The following RABGEF1 variants were observed in gnomAD, a reference collection of about 807,000 sequenced individuals.
RABGEF1 encodes the protein RAB guanine nucleotide exchange factor 1, also known as rab5 GDP/GTP exchange factor.
In RABGEF1, 26 loss-of-function variants were observed where a neutral mutation model predicts 57.3. The observed-to-expected ratio is 0.45, with a 90% confidence interval of 0.33 to 0.63. RABGEF1 has a LOEUF of 0.63. RABGEF1 is among the 20% of genes least tolerant of loss of function. The probability of loss-of-function intolerance (pLI) is 0.02; values close to 1 mark genes in which losing one functional copy is unlikely to be tolerated. For missense variants in RABGEF1, 464 were observed against 607.6 expected, an observed-to-expected ratio of 0.76 and a Z score of 2.48; for synonymous variants, 185 against 210.7, an observed-to-expected ratio of 0.88 and a Z score of 1.06.
At position 66,810,031 on chromosome 7, in the gene RABGEF1, C is replaced by G. The variant is rs1789238053; in HGVS notation, c.*747C>G. On this transcript the variant is annotated 3_prime_UTR_variant, in exon 9 of 9. Coordinates refer to ENST00000284957, the MANE Select transcript of RABGEF1 (RefSeq NM_014504.3). ...AATGTAGTCGATGGAAGACTTTAAACTATGCTTCTAGCTTATTTTTCCCTC... is the reference window on the plus strand; with the variant it reads ...AATGTAGTCGATGGAAGACTTTAAAGTATGCTTCTAGCTTATTTTTCCCTC... The G allele has an allele frequency of 6.6e-6, 1 of 152,200 alleles. No individual in the cohort carries two copies. The highest frequency in any genetic ancestry group is 1.5e-5 in the Non-Finnish European group (1 of 68,034). 9.4% of individuals were successfully genotyped at this position (152,200 alleles called of 1,614,324 possible).
At chr7:66,724,872 T>C (rs1796428106) in intron 2 of RABGEF1, among the ~76,000 whole-genome samples, 2 of 152,232 alleles carry the variant, frequency 1.3e-5, no homozygotes. Context: ...CTTGGTGCTT[T>C]AGTTTAGATA....
At chr7:66,703,599 A>C (rs948083491) in intron 1 of RABGEF1, among the ~76,000 whole-genome samples, 1 of 152,196 alleles carries the variant, frequency 6.6e-6, no homozygotes, top group African/African-American at 2.4e-5. Context: ...TTCGGAAATC[A>C]GTTGACAATA....
intron 1 of RABGEF1, among the ~76,000 whole-genome samples, chr7:66,687,980 T>G (rs1392429172): frequency 7.4e-5 from 11 of 149,424 alleles, no homozygotes; most frequent in African/African-American, 2.5e-4. Context: ...AGCTACACGG[T>G]AGGCTGAGGC....
At chr7:66,762,193 C>A (rs1301571020) in intron 1 of RABGEF1, among the ~76,000 whole-genome samples, 1 of 152,118 alleles carries the variant, frequency 6.6e-6, no homozygotes, top group Admixed American at 6.5e-5. Context: ...AGAAATGTAA[C>A]AGTGGAGAAG....
intron 1 of RABGEF1, among the ~76,000 whole-genome samples, chr7:66,689,842 G>C (rs940662256): frequency 4.0e-5 from 6 of 151,292 alleles, no homozygotes; most frequent in East Asian, 1.9e-4. Flanking sequence ...CCTATAACTA[G>C]TAAGAAGATT....
chr7:66,802,948 A>AG (rs1328885177), intron 7 of RABGEF1, among the ~76,000 whole-genome samples: 1 of 152,240 alleles, frequency 6.6e-6, no homozygotes, highest in Non-Finnish European at 1.5e-5. Flanking sequence ...AATAAAAGAG[A>AG]GAAAAAAAAA....
chr7:66,786,134 C>T (rs936754781), intron 4 of RABGEF1, among the ~76,000 whole-genome samples: 2 of 152,180 alleles, frequency 1.3e-5, no homozygotes, highest in African/African-American at 4.8e-5. Flanking sequence ...ACATCTTTCC[C>T]ACATCATTTC....
At chr7:66,720,195 T>TTA (rs1491587808) in intron 2 of RABGEF1, among the ~76,000 whole-genome samples, 4 of 64,056 alleles carry the variant, frequency 6.2e-5, no homozygotes, top group African/African-American at 2.0e-4. Context: ...ATTATTATTA[T>TTA]TTTTTTTTTT....
At chr7:66,787,893 T>C (rs1811584674) in intron 4 of RABGEF1, among the ~76,000 whole-genome samples, 1 of 152,230 alleles carries the variant, frequency 6.6e-6, no homozygotes, top group Admixed American at 6.5e-5. Flanking sequence ...ATAACTTTTT[T>C]CTGTAAATTA....
chr7:66,715,030 C>A (rs1051379074), intron 2 of RABGEF1, among the ~76,000 whole-genome samples: 1 of 151,968 alleles, frequency 6.6e-6, no homozygotes, highest in African/African-American at 2.4e-5. Flanking sequence ...CCTCCTCTTT[C>A]TTCTTCACTA....
chr7:66,737,087 C>T (rs34549377), upstream of RABGEF1, among the ~76,000 whole-genome samples: 5 of 94,040 alleles, frequency 5.3e-5, no homozygotes, highest in East Asian at 3.3e-4. Context: ...AGAGAGAGAG[C>T]GAGAGCGAGA....
intron 1 of RABGEF1, among the ~76,000 whole-genome samples, chr7:66,710,636 G>T (rs1478135441): frequency 6.6e-6 from 1 of 152,190 alleles, no homozygotes; most frequent in Non-Finnish European, 1.5e-5. Context: ...AATGACCAAT[G>T]ATATAAAGCA....
intron 7 of RABGEF1, among the ~76,000 whole-genome samples, chr7:66,802,797 C>A (rs1216919473): frequency 2.0e-5 from 3 of 152,196 alleles, no homozygotes; most frequent in Admixed American, 1.3e-4. Context: ...CACCCCAGCC[C>A]TGCCTTATGG....
chr7:66,738,030 T>TTG (rs1554311643), upstream of RABGEF1, among the ~76,000 whole-genome samples: 1,828 of 146,650 alleles, frequency 0.012, 21 homozygotes, highest in African/African-American at 0.03. Flanking sequence ...TTTGTTTTTT[T>TTG]TTTTTTTTGA....
At chr7:66,682,629 C>G (rs1307609281) in intron 1 of RABGEF1, among the ~76,000 whole-genome samples, 1 of 152,176 alleles carries the variant, frequency 6.6e-6, no homozygotes, top group Non-Finnish European at 1.5e-5. Context: ...CATCTGTGGT[C>G]GCGCGGGACC....
At chr7:66,665,952 G>C in the RABGEF1 span, among the ~76,000 whole-genome samples, 1 of 152,240 alleles carries the variant, frequency 6.6e-6, no homozygotes, top group Non-Finnish European at 1.5e-5. Flanking sequence ...GGTCAAGGAA[G>C]GCTTCTTGGA....
intron 2 of RABGEF1, among the ~76,000 whole-genome samples, chr7:66,730,611 T>A (rs1022374473): frequency 2.0e-5 from 3 of 147,210 alleles, no homozygotes; most frequent in Non-Finnish European, 4.5e-5. Flanking sequence ...CAGGCTGGAG[T>A]GCCATGGTAC....
intron 1 of RABGEF1, among the ~76,000 whole-genome samples, chr7:66,746,564 C>T (rs1435295299): frequency 2.0e-5 from 3 of 150,338 alleles, no homozygotes; most frequent in Non-Finnish European, 4.4e-5. Flanking sequence ...GCTGCGATTA[C>T]AGGCGTGAGC....
At chr7:66,657,122 G>A in the RABGEF1 span, among the ~76,000 whole-genome samples, 1 of 152,200 alleles carries the variant, frequency 6.6e-6, no homozygotes, top group Non-Finnish European at 1.5e-5. Context: ...GAGAGCACTT[G>A]AACAACATGA....
Sources: gnomAD v4.1 joint callset for allele counts (sites outside exome capture counted in the v4.1 genomes callset) on GRCh38, gnomAD v4.1.1 for gene constraint, MANE v1.5 for transcripts, NCBI Gene and HGNC (gene_info 2026-07-23, HGNC 2026-07-21) for gene names.